Variants in TRPC3 observed in about 807,000 individuals in gnomAD.
The protein encoded by TRPC3 is short transient receptor potential channel 3.
A neutral mutation model predicts 90.9 loss-of-function variants in TRPC3; 54 were observed. That is an observed-to-expected ratio of 0.59 (90% CI 0.48 to 0.75). TRPC3 has a LOEUF of 0.75. TRPC3 is among the 30% of genes least tolerant of loss of function. The pLI is 0.00. For missense variants in TRPC3, 918 were observed against 1,194.5 expected (o/e 0.77, Z 3.41); for synonymous variants, 424 against 450.9 (o/e 0.94, Z 0.75).
chr4:121,879,802 C>T lies in TRPC3; in HGVS notation c.2700G>A (p.Glu900=), dbSNP rs201127695. 1 of 1,607,802 alleles carries T rather than the reference C, an allele frequency of 6.2e-7. No individual in the cohort carries two copies. Among genetic ancestry groups the T allele is most frequent in the Non-Finnish European group, 8.5e-7 (1 of 1,177,952 alleles). ...ELLEDKSQAT[E]ELAILIHKLS... ...GTTTATGAATTAGAATGGCTAATTC[C>T]TCAGTTGCTTGGCTCTTGTCTTCCA... Residue 900 remains glutamate, a synonymous_variant, in exon 12 of 12, where the codon GAG becomes GAA. Coordinates refer to ENST00000379645, the MANE Select transcript of TRPC3 (RefSeq NM_001130698.2).
At chr4:121,894,567 T>TTG (rs1553937546) in intron 10 of TRPC3, among the ~76,000 whole-genome samples, 1 of 136,776 alleles carries the variant, frequency 7.3e-6, no homozygotes, top group Non-Finnish European at 1.6e-5. Context: ...TTTTTTTTTT[T>TTG]TTTTTTTTTT....
At chr4:121,894,555 G>GTTTTTTTTT (rs374034360) in intron 10 of TRPC3, among the ~76,000 whole-genome samples, 1 of 63,370 alleles carries the variant, frequency 1.6e-5, no homozygotes, top group Non-Finnish European at 2.7e-5. Flanking sequence ...TACACATTCT[G>GTTTTTTTTT]TTTTTTTTTT....
chr4:121,897,453 C>CAAAAAAAAAAAAAAAAAAA (rs70950860), intron 10 of TRPC3, among the ~76,000 whole-genome samples: 7 of 43,434 alleles, frequency 1.6e-4, no homozygotes, highest in East Asian at 7.6e-4. Context: ...ATCTCAACAG[C>CAAAAAAAAAAAAAAAAAAA]AAAAAAAAAA....
chr4:121,928,957 G>T (rs1729805964), intron 2 of TRPC3, among the ~76,000 whole-genome samples: 1 of 152,138 alleles, frequency 6.6e-6, no homozygotes, highest in South Asian at 2.1e-4. Context: ...GACTTCCTGG[G>T]TTCAAATACT....
chr4:121,878,860 A>G lies in TRPC3; in HGVS notation c.*876T>C, dbSNP rs1209924914. 6.6e-6 allele frequency among the ~76,000 whole-genome samples: 1 copy of G among 152,168 alleles called. No homozygotes were observed. The highest frequency in any genetic ancestry group is 1.5e-5 in the Non-Finnish European group (1 of 68,028). On this transcript the variant is annotated 3_prime_UTR_variant, in exon 12 of 12. Transcript: ENST00000379645. Reference sequence around the variant, plus strand: ...CTCCAAAACTCAGCAGGGAGCTCACAGGTGAGATATGAAGTCAGCTGTTGA... The same window carrying G: ...CTCCAAAACTCAGCAGGGAGCTCACGGGTGAGATATGAAGTCAGCTGTTGA...
intron 1 of TRPC3, among the ~76,000 whole-genome samples, chr4:121,935,927 G>A (rs139012827): frequency 5.3e-5 from 8 of 152,026 alleles, no homozygotes; most frequent in Admixed American, 2.0e-4. Context: ...AGTATTTTAC[G>A]GTTTTCCTTA....
At chr4:121,892,849 G>A (rs1728377265) in intron 10 of TRPC3, among the ~76,000 whole-genome samples, 2 of 152,200 alleles carry the variant, frequency 1.3e-5, no homozygotes, top group South Asian at 4.2e-4. Context: ...GTTGGGTGCT[G>A]GTGGCTCATA....
chr4:121,916,065 C>G (rs1177086441), intron 3 of TRPC3, among the ~76,000 whole-genome samples: 1 of 152,158 alleles, frequency 6.6e-6, no homozygotes, highest in South Asian at 2.1e-4. Flanking sequence ...AGAGTAGCTG[C>G]AGTTCCTACT....
chr4:121,917,919 A>T (rs1208241264), intron 3 of TRPC3, among the ~76,000 whole-genome samples: 1 of 152,220 alleles, frequency 6.6e-6, no homozygotes, highest in African/African-American at 2.4e-5. Flanking sequence ...TGAAGTTAAG[A>T]GACAGGTGGG....
chr4:121,894,567 T>TG (rs1399193127), intron 10 of TRPC3, among the ~76,000 whole-genome samples: 2 of 136,776 alleles, frequency 1.5e-5, no homozygotes, highest in Non-Finnish European at 3.1e-5. Context: ...TTTTTTTTTT[T>TG]TTTTTTTTTT....
intron 3 of TRPC3, among the ~76,000 whole-genome samples, chr4:121,915,563 C>T (rs4833237): frequency 0.66 from 100,362 of 152,160 alleles, 33,189 homozygotes; most frequent in East Asian, 0.8. Flanking sequence ...ACTTCCCTCC[C>T]GTCCTCTTTT....
rs75619993 is a variant in TRPC3, at chr4:121,918,895, G to A, written c.1177-3951C>T. 5.8e-3 allele frequency among the ~76,000 whole-genome samples: 883 copies of A among 152,280 alleles called. 8 individuals carry two copies. Among genetic ancestry groups the A allele is most frequent in the African/African-American group, 0.02 (818 of 41,560 alleles). ...GAGTTTTGGTCTTTTCAATGACTTC[G>A]AAATAGGGCAGTGACCTTTATACCT... On this transcript the variant is annotated intron_variant, in intron 3 of 11. Transcript: ENST00000379645.
chr4:121,911,366 T>A (rs915076270), intron 5 of TRPC3, among the ~76,000 whole-genome samples: 1 of 152,236 alleles, frequency 6.6e-6, no homozygotes. Context: ...AAATGGGTTA[T>A]TGTAAGACGA....
intron 1 of TRPC3, among the ~76,000 whole-genome samples, chr4:121,948,874 G>GT (rs11331409): frequency 1.0e-4 from 15 of 143,892 alleles, no homozygotes; most frequent in African/African-American, 3.0e-4. Flanking sequence ...TGTTGTTGTT[G>GT]TTTTTTTTTA....
chr4:121,931,263 C>A (rs1483923624), intron 2 of TRPC3, among the ~76,000 whole-genome samples: 1 of 152,114 alleles, frequency 6.6e-6, no homozygotes, highest in Non-Finnish European at 1.5e-5. Context: ...TGATCTGACA[C>A]CATAACACTA....
At chr4:121,924,914 C>A in intron 3 of TRPC3, 104 bp downstream of exon 3, 3 of 1,272,652 alleles carry the variant, frequency 2.4e-6, no homozygotes, top group South Asian at 1.6e-5. Context: ...GCCCAGCCTA[C>A]TAGCGTCTAG....
At chr4:121,895,706 A>C (rs1429177482) in intron 10 of TRPC3, among the ~76,000 whole-genome samples, 11 of 152,070 alleles carry the variant, frequency 7.2e-5, no homozygotes, top group Admixed American at 6.6e-4. Flanking sequence ...AACATCTCCC[A>C]AAAAAATAAA....
intron 10 of TRPC3, among the ~76,000 whole-genome samples, chr4:121,890,128 T>C (rs1728270904): frequency 6.6e-6 from 1 of 152,036 alleles, no homozygotes; most frequent in Non-Finnish European, 1.5e-5. Context: ...CTCATAGAAG[T>C]AGAGAGTAGA....
At position 121,879,701 on chromosome 4, in the gene TRPC3, T is replaced by A. The variant is rs1379369820; in HGVS notation, c.*35A>T. The A allele has an allele frequency of 6.3e-7, 1 of 1,579,270 alleles. No homozygotes were observed. Among genetic ancestry groups the A allele is most frequent in the Admixed American group, 1.9e-5 (1 of 52,010 alleles). On this transcript the variant is annotated 3_prime_UTR_variant, in exon 12 of 12. Coordinates refer to ENST00000379645, the MANE Select transcript of TRPC3 (RefSeq NM_001130698.2). ...ACTTAGAAATATTATTGCCCACATT[T>A]GTGCTATAGTCAAAGCCAAATCCAG...
Sources: allele counts gnomAD v4.1 joint callset (sites outside exome capture counted in the v4.1 genomes callset), GRCh38; gene constraint gnomAD v4.1.1; transcripts MANE v1.5; gene names NCBI Gene and HGNC (gene_info 2026-07-23, HGNC 2026-07-21).